Variants in DIP2B observed in about 807,000 individuals in gnomAD.
DIP2B encodes disco-interacting protein 2 homolog B.
A neutral mutation model predicts 198.0 loss-of-function variants in DIP2B; 76 were observed. The observed-to-expected ratio is 0.38, with a 90% CI of 0.32 to 0.46. The LOEUF (loss-of-function observed/expected upper bound fraction) is 0.46. Ranked by LOEUF, DIP2B falls within the 20% of genes least tolerant of loss-of-function variation. The pLI, the probability that DIP2B is intolerant of heterozygous loss-of-function variation, is 0.99. For missense variants in DIP2B, 1,559 were observed against 1,978.4 expected (o/e 0.79, Z 4.02); for synonymous variants, 701 against 739.1 (o/e 0.95, Z 0.84).
chr12:50,528,249 G>A (rs1210051355), intron 1 of DIP2B, among the ~76,000 whole-genome samples: 2 of 147,314 alleles, frequency 1.4e-5, no homozygotes, highest in Admixed American at 1.4e-4. Context: ...TTTTTTGGTA[G>A]TCAGATTTAG....
At chr12:50,541,491 A>G (rs2139375290) in intron 1 of DIP2B, among the ~76,000 whole-genome samples, 1 of 152,028 alleles carries the variant, frequency 6.6e-6, no homozygotes. Context: ...ACAGAGATAG[A>G]AAATGTTTAA....
intron 4 of DIP2B, among the ~76,000 whole-genome samples, chr12:50,661,196 C>G (rs17124847): frequency 0.011 from 1,610 of 152,192 alleles, 32 homozygotes; most frequent in African/African-American, 0.037. Context: ...CATAGTAAAT[C>G]TATTTCAGAG....
intron 1 of DIP2B, among the ~76,000 whole-genome samples, chr12:50,600,238 T>A (rs1323302857): frequency 6.6e-6 from 1 of 152,228 alleles, no homozygotes; most frequent in Non-Finnish European, 1.5e-5. Context: ...TCTTTTGACA[T>A]CTCAAGTGAT....
intron 30 of DIP2B, among the ~76,000 whole-genome samples, chr12:50,730,795 C>G (rs1044831310): frequency 2.0e-5 from 3 of 151,786 alleles, no homozygotes; most frequent in African/African-American, 7.3e-5. Flanking sequence ...CCCACTTCTT[C>G]TGGCCACTGC....
At position 50,698,313 on chromosome 12, in the gene DIP2B, G is replaced by T. The variant is rs1340813809; in HGVS notation, c.2049-15G>T. On this transcript the variant is annotated splice_polypyrimidine_tract_variant and intron_variant, in intron 17 of 37. Transcript: ENST00000301180. ...GTTATTTCATTCACCAAACTTGATG[G>T]GTTCTTCTTTTCAGGCCTGGAGTTC... 3 of 1,603,366 alleles carry T rather than the reference G, an allele frequency of 1.9e-6. No homozygotes were observed. In the East Asian group the frequency reaches 6.7e-5, roughly 36 times the overall value.
rs1416197962 is a variant in DIP2B, at chr12:50,747,409, C to T, written c.*2570C>T. On this transcript the variant is annotated 3_prime_UTR_variant, in exon 38 of 38. Transcript: ENST00000301180. The stretch of plus-strand genomic sequence containing the variant: ...GCATGTCCCCCAAAGCCAGAATCTG[C>T]TCATGGAGGAAGGAAGGCTAAGAAC... The T allele has an allele frequency of 2.0e-5, 3 of 152,202 alleles. No individual in the cohort carries two copies. Among genetic ancestry groups the T allele is most frequent in the Admixed American group, 1.3e-4 (2 of 15,284 alleles). 9.4% of individuals were successfully genotyped at this position (152,202 alleles called of 1,614,324 possible). A position where few individuals can be genotyped will look rare whatever the true frequency, so the allele number is the denominator to read the frequency against.
chr12:50,662,382 C>CA (rs769898862), intron 4 of DIP2B, among the ~76,000 whole-genome samples: 1 of 152,206 alleles, frequency 6.6e-6, no homozygotes, highest in Non-Finnish European at 1.5e-5. Context: ...ACACAGCCCC[C>CA]ACATGGGATA....
chr12:50,589,829 A>C (rs1177868522), intron 1 of DIP2B, among the ~76,000 whole-genome samples: 1 of 152,154 alleles, frequency 6.6e-6, no homozygotes, highest in East Asian at 1.9e-4. Context: ...AAATTAAGAG[A>C]GGTTAAGAGA....
intron 1 of DIP2B, among the ~76,000 whole-genome samples, chr12:50,553,193 G>T (rs898358132): frequency 6.6e-5 from 10 of 152,192 alleles, no homozygotes; most frequent in Admixed American, 3.3e-4. Context: ...TCTGCATGTG[G>T]ATGTCCAGTT....
chr12:50,543,061 ATGGGGC>A lies in DIP2B; in HGVS notation c.100+37823_100+37828del, dbSNP rs1958340725. ...TTTTTTTTGGTCTTTTTTTGTAGAGATGGGGCTTCACCAAGTTGCCCAGGCTGGTCT... is the reference window on the plus strand; with the variant it reads ...TTTTTTTTGGTCTTTTTTTGTAGAGATTCACCAAGTTGCCCAGGCTGGTCT... On this transcript the variant is annotated intron_variant, in intron 1 of 37. Transcript: ENST00000301180. Among the ~76,000 whole-genome samples the A allele has an allele frequency of 2.0e-5, 3 of 151,534 alleles. No individual in the cohort carries two copies. In the South Asian group the frequency reaches 6.3e-4, roughly 32 times the overall value.
intron 22 of DIP2B, among the ~76,000 whole-genome samples, chr12:50,713,924 AAAAAG>A (rs1451274140): frequency 6.6e-6 from 1 of 152,190 alleles, no homozygotes. Flanking sequence ...TAAAATTAAA[AAAAAG>A]AAAAGAAAAA....
rs115890937 is a variant in DIP2B, at chr12:50,598,076, A to C, written c.101-27900A>C. ...GAAATAACTCAAGTAATTTCTAAATATGAGTTTGATTTAGTTTCTTTAATG... is the reference window on the plus strand; with the variant it reads ...GAAATAACTCAAGTAATTTCTAAATCTGAGTTTGATTTAGTTTCTTTAATG... On this transcript the variant is annotated intron_variant, in intron 1 of 37. Transcript: ENST00000301180. Among the ~76,000 whole-genome samples, 359 of 152,282 alleles carry C rather than the reference A, an allele frequency of 2.4e-3. 2 individuals are homozygous for C. The highest frequency in any genetic ancestry group is 8.1e-3 in the African/African-American group (338 of 41,552).
intron 1 of DIP2B, among the ~76,000 whole-genome samples, chr12:50,581,803 A>C (rs1225144718): frequency 1.3e-5 from 2 of 152,232 alleles, no homozygotes; most frequent in African/African-American, 4.8e-5. Context: ...AGGAAAGTTA[A>C]TGAAGATGAG....
At chr12:50,642,229 CA>C (rs1303862382) in intron 3 of DIP2B, among the ~76,000 whole-genome samples, 3 of 152,082 alleles carry the variant, frequency 2.0e-5, no homozygotes, top group African/African-American at 7.2e-5. Flanking sequence ...TCATGGCAGA[CA>C]AACAAGAGTT....
intron 2 of DIP2B, 110 bp downstream of exon 2, chr12:50,626,157 C>T: frequency 9.1e-7 from 1 of 1,101,716 alleles, no homozygotes; most frequent in African/African-American, 1.6e-5. Flanking sequence ...CCTTCCTCAC[C>T]AGGGGAGAGA....
At chr12:50,620,290 A>G (rs1593661542) in intron 1 of DIP2B, among the ~76,000 whole-genome samples, 2 of 152,220 alleles carry the variant, frequency 1.3e-5, no homozygotes, top group African/African-American at 4.8e-5. Context: ...CCCTCTCTCA[A>G]TCAACTTGAA....
chr12:50,718,795 G>A lies in DIP2B; in HGVS notation c.2938G>A (p.Glu980Lys), dbSNP rs1420913079. The A allele has an allele frequency of 6.2e-7, 1 of 1,614,180 alleles. No individual in the cohort carries two copies. Among genetic ancestry groups the A allele is most frequent in the Non-Finnish European group, 8.5e-7 (1 of 1,180,018 alleles). The change falls in exon 24 of 38, where the codon GAA becomes AAA. Residue 980 changes from glutamate (E) to lysine (K), a missense_variant. Physicochemically the swap from Glu to Lys is moderately conservative, Grantham distance 56 (BLOSUM62 1). Transcript: ENST00000301180. ...TGCTGGAAGGGATCTGGGACAAATA[G>A]AAGAGAATGATTTGGTGAGGAAGGT... ...QAAGRDLGQI[E>K]ENDLVRKHQF...
At chr12:50,541,536 C>T (rs1289749799) in intron 1 of DIP2B, among the ~76,000 whole-genome samples, 1 of 151,630 alleles carries the variant, frequency 6.6e-6, no homozygotes, top group Non-Finnish European at 1.5e-5. Context: ...TCTTCATATT[C>T]CCTTGAATTT....
At chr12:50,698,748 G>C (rs1939363979) in intron 18 of DIP2B, among the ~76,000 whole-genome samples, 1 of 152,188 alleles carries the variant, frequency 6.6e-6, no homozygotes, top group African/African-American at 2.4e-5. Context: ...TAATTGCCAA[G>C]CCATTGGGAC....
Sources: allele counts gnomAD v4.1 joint callset (sites outside exome capture counted in the v4.1 genomes callset), GRCh38; gene constraint gnomAD v4.1.1; transcripts MANE v1.5; gene names NCBI Gene and HGNC (gene_info 2026-07-23, HGNC 2026-07-21).